LARP4B: variants seen among roughly 807,000 people sequenced by gnomAD.
LARP4B encodes the protein La ribonucleoprotein 4B, also known as la-related protein 4B.
A neutral mutation model predicts 89.8 loss-of-function variants in LARP4B; 12 were observed. That is an observed-to-expected ratio of 0.13 (90% CI 0.09 to 0.22). LARP4B has a LOEUF of 0.22. Among genes scored for constraint, LARP4B ranks in the 10% least tolerant of loss-of-function variants. The pLI, the probability that LARP4B is intolerant of heterozygous loss-of-function variation, is 1.00. For synonymous variants in LARP4B, 367 were observed against 363.3 expected, an observed-to-expected ratio of 1.01 and a Z score of -0.12; for missense variants, 757 against 947.7, an observed-to-expected ratio of 0.80 and a Z score of 2.64.
chr10:912,965 C>G (rs924623203), intron 1 of LARP4B, among the ~76,000 whole-genome samples: 1 of 152,184 alleles, frequency 6.6e-6, no homozygotes, highest in East Asian at 1.9e-4. Flanking sequence ...TTCCTGCACT[C>G]AAGCCACTAT....
chr10:856,925 C>T (rs1009908847), intron 5 of LARP4B, among the ~76,000 whole-genome samples: 1 of 152,198 alleles, frequency 6.6e-6, no homozygotes, highest in African/African-American at 2.4e-5. Flanking sequence ...GGTCATGCTG[C>T]CCCACCTAAG....
chr10:847,924 C>T (rs1386510188), intron 5 of LARP4B, among the ~76,000 whole-genome samples: 1 of 152,142 alleles, frequency 6.6e-6, no homozygotes, highest in East Asian at 1.9e-4. Context: ...AGGTGGGAAC[C>T]CAGTGTATGG....
intron 3 of LARP4B, among the ~76,000 whole-genome samples, chr10:876,527 T>G (rs919897484): frequency 6.6e-6 from 1 of 152,234 alleles, no homozygotes; most frequent in Non-Finnish European, 1.5e-5. Context: ...TTTGACTCCA[T>G]GTCCCAACCC....
chr10:837,064 A>ACCAGCATCAT (rs762672979), intron 7 of LARP4B, among the ~76,000 whole-genome samples: 48 of 152,344 alleles, frequency 3.2e-4, no homozygotes, highest in Non-Finnish European at 6.2e-4. Flanking sequence ...GACACAAATC[A>ACCAGCATCAT]CCAGCATCAG....
chr10:944,528 T>C, the LARP4B span, among the ~76,000 whole-genome samples: 1 of 152,182 alleles, frequency 6.6e-6, no homozygotes. Context: ...AATGCTGCTG[T>C]AGGTATGAAG....
chr10:833,236 A>C (rs985642709), intron 8 of LARP4B, among the ~76,000 whole-genome samples: 3 of 133,178 alleles, frequency 2.3e-5, no homozygotes, highest in Admixed American at 1.6e-4. Context: ...CACTAACGAT[A>C]GCTGATGAGC....
intron 1 of LARP4B, among the ~76,000 whole-genome samples, chr10:912,380 T>A (rs536195282): frequency 6.6e-5 from 10 of 152,266 alleles, no homozygotes; most frequent in African/African-American, 2.4e-4. Flanking sequence ...TTGGGCCGCA[T>A]TCAAAGCCAT....
At chr10:813,968 A>AT (rs1218588037) in intron 17 of LARP4B, among the ~76,000 whole-genome samples, 3 of 151,798 alleles carry the variant, frequency 2.0e-5, no homozygotes. Flanking sequence ...AACCCAGCTA[A>AT]TTTTTTGTAT....
rs1011462844 is a variant in LARP4B, at chr10:825,796, C to G, written c.1200G>C (p.Leu400=). 1 of 1,613,984 alleles carries G rather than the reference C, an allele frequency of 6.2e-7. No homozygotes were observed. The highest frequency in any genetic ancestry group is 1.3e-5 in the African/African-American group (1 of 75,070). ...GAGGAGGATACTGTCTGAGAGAAGT[C>G]AGAGGAGACGCCGCAGGCTTGAACG... ...SPAFKPAASP[L]TSLRQYPPRS... The change falls in exon 12 of 18, where the codon CTG becomes CTC. Residue 400 remains leucine (L), a synonymous_variant. Transcript: ENST00000316157.
chr10:861,464 G>T (rs1457642707), intron 5 of LARP4B, among the ~76,000 whole-genome samples: 1 of 152,174 alleles, frequency 6.6e-6, no homozygotes, highest in Non-Finnish European at 1.5e-5. Flanking sequence ...GGAGGCAGAT[G>T]AAGGAGGAAG....
Position 864,824 on chromosome 10 carries a change from A to G in LARP4B, c.142-554T>C, listed in dbSNP as rs148717002. Among the ~76,000 whole-genome samples, 922 of 152,214 alleles carry G rather than the reference A, an allele frequency of 6.1e-3. 8 individuals are homozygous for G. The highest frequency in any genetic ancestry group is 0.021 in the African/African-American group (852 of 41,548). On this transcript the variant is annotated intron_variant, in intron 3 of 17. Coordinates refer to ENST00000316157, the MANE Select transcript of LARP4B (RefSeq NM_015155.3). Reference sequence around the variant, plus strand: ...CAAAATTAGCCGGGCGTGGTGGCGCATGCCTGTAATCCCAGCTACTCGAGA... The same window carrying G: ...CAAAATTAGCCGGGCGTGGTGGCGCGTGCCTGTAATCCCAGCTACTCGAGA...
the LARP4B span, among the ~76,000 whole-genome samples, chr10:944,711 C>T: frequency 6.6e-6 from 1 of 152,250 alleles, no homozygotes. Context: ...CTCACTTTTC[C>T]TGCTGCCTTC....
chr10:858,487 A>C (rs766169576), intron 5 of LARP4B, among the ~76,000 whole-genome samples: 3 of 152,208 alleles, frequency 2.0e-5, no homozygotes, highest in Non-Finnish European at 4.4e-5. Context: ...AAATTCAACA[A>C]TGTTATCTTA....
chr10:973,869 C>G, the LARP4B span, among the ~76,000 whole-genome samples: 57 of 152,148 alleles, frequency 3.7e-4, no homozygotes, highest in Non-Finnish European at 6.9e-4. Flanking sequence ...AAAGTGCATT[C>G]TCTCAGGATT....
downstream of LARP4B, chr10:807,402 T>G (rs564773013): frequency 6.6e-6 from 1 of 152,404 alleles, no homozygotes; most frequent in South Asian, 2.1e-4. Flanking sequence ...ATCCTGGTCG[T>G]GAATGAAAAT....
In LARP4B at chr10:830,995, G is replaced by A; in HGVS notation, c.751-18C>T. On this transcript the variant is annotated intron_variant, in intron 8 of 17. Transcript: ENST00000316157. The stretch of plus-strand genomic sequence containing the variant: ...TCTACTTCCTACAGGAAATAGAGAT[G>A]TTAGAAATTAATTCTCAACAATGTC... 1 of 944,122 alleles carries A rather than the reference G, an allele frequency of 1.1e-6. No individual in the cohort carries two copies. Among genetic ancestry groups the A allele is most frequent in the Non-Finnish European group, 1.6e-6 (1 of 606,068 alleles). The allele number at this position is 944,122 out of a possible 1,614,324, so 58.5% of individuals were successfully genotyped here. A position where few individuals can be genotyped will look rare whatever the true frequency, so the allele number is the denominator to read the frequency against.
the LARP4B span, among the ~76,000 whole-genome samples, chr10:962,695 C>G: frequency 4.6e-5 from 7 of 152,150 alleles, no homozygotes; most frequent in Admixed American, 4.6e-4. Context: ...TCAAGTAGGC[C>G]TGACCCAATC....
At chr10:825,449 G>A in intron 12 of LARP4B, 133 bp from the exon 13 acceptor site, 1 of 865,438 alleles carries the variant, frequency 1.2e-6, no homozygotes. Context: ...GATTTGGAAT[G>A]GTTAACTCCT....
chr10:890,307 CA>C (rs1296249047), intron 1 of LARP4B, among the ~76,000 whole-genome samples: 1 of 151,988 alleles, frequency 6.6e-6, no homozygotes, highest in Non-Finnish European at 1.5e-5. Flanking sequence ...TCATCAATCA[CA>C]AAAACATCTA....
Sources: gnomAD v4.1 joint callset for allele counts (sites outside exome capture counted in the v4.1 genomes callset) on GRCh38, gnomAD v4.1.1 for gene constraint, MANE v1.5 for transcripts, NCBI Gene and HGNC (gene_info 2026-07-23, HGNC 2026-07-21) for gene names.